MYT1L: variants seen among roughly 807,000 people sequenced by gnomAD.
MYT1L encodes the protein myelin transcription factor 1-like protein.
Under a neutral mutation model 126.7 loss-of-function variants are expected in MYT1L, and 12 were observed. The ratio of observed to expected loss-of-function variants is 0.09; its 90% CI spans 0.06 to 0.15. The LOEUF (loss-of-function observed/expected upper bound fraction) is 0.15, where lower values mean the gene tolerates loss of function less well. Among genes scored for constraint, MYT1L ranks in the 10% least tolerant of loss-of-function variants. MYT1L has a pLI of 1.00. For synonymous variants in MYT1L, 541 were observed against 604.2 expected (o/e 0.90, Z 1.53); for missense variants, 979 against 1,585.2 (o/e 0.62, Z 6.49).
At chr2:2,288,912 T>A (rs544735697) in intron 1 of MYT1L, among the ~76,000 whole-genome samples, 1 of 152,250 alleles carries the variant, frequency 6.6e-6, no homozygotes, top group Non-Finnish European at 1.5e-5. Context: ...GATAGCTTCT[T>A]AACTCAAAGT....
chr2:2,274,709 T>C (rs1336582434), intron 2 of MYT1L, among the ~76,000 whole-genome samples: 2 of 152,204 alleles, frequency 1.3e-5, no homozygotes, highest in South Asian at 2.1e-4. Context: ...TCTAATAACA[T>C]CACTTTGCAC....
intron 9 of MYT1L, among the ~76,000 whole-genome samples, chr2:1,928,315 C>T (rs1326992772): frequency 6.6e-6 from 1 of 152,220 alleles, no homozygotes; most frequent in Non-Finnish European, 1.5e-5. Context: ...TCTGACTCAC[C>T]TGAGTCTGGT....
intron 3 of MYT1L, among the ~76,000 whole-genome samples, chr2:2,091,733 T>C (rs1043750963): frequency 2.0e-5 from 3 of 152,228 alleles, no homozygotes; most frequent in African/African-American, 7.2e-5. Flanking sequence ...ACTTCATCAG[T>C]GATCTTACCT....
intron 3 of MYT1L, among the ~76,000 whole-genome samples, chr2:2,134,554 A>G (rs1334588697): frequency 6.6e-6 from 1 of 152,110 alleles, no homozygotes; most frequent in Non-Finnish European, 1.5e-5. Flanking sequence ...TGAGGTCATG[A>G]AGATGGAGCC....
chr2:1,921,466 T>C (rs1475877936), intron 10 of MYT1L, among the ~76,000 whole-genome samples: 1 of 152,188 alleles, frequency 6.6e-6, no homozygotes, highest in Admixed American at 6.5e-5. Context: ...TATGTAAAGA[T>C]AGCTAAATAC....
chr2:2,141,650 G>A (rs913349077), intron 3 of MYT1L, among the ~76,000 whole-genome samples: 23 of 152,184 alleles, frequency 1.5e-4, no homozygotes, highest in Non-Finnish European at 2.5e-4. Flanking sequence ...AAAAGTCTGC[G>A]AGGGCCAATA....
intron 14 of MYT1L, among the ~76,000 whole-genome samples, chr2:1,901,897 T>C (rs1183828315): frequency 6.6e-6 from 1 of 152,196 alleles, no homozygotes; most frequent in Non-Finnish European, 1.5e-5. Flanking sequence ...TGACACCAAG[T>C]GATCCGCCTG....
intron 18 of MYT1L, among the ~76,000 whole-genome samples, chr2:1,862,599 A>G (rs2044832543): frequency 6.6e-6 from 1 of 152,238 alleles, no homozygotes; most frequent in Non-Finnish European, 1.5e-5. Flanking sequence ...AGAAGATTCT[A>G]GGAAAGAAAA....
intron 14 of MYT1L, among the ~76,000 whole-genome samples, chr2:1,901,528 C>A (rs1288350368): frequency 2.6e-5 from 4 of 152,062 alleles, no homozygotes; most frequent in African/African-American, 9.7e-5. Context: ...TGTTTCTGAC[C>A]AATATATGAT....
chr2:1,868,286 C>G (rs1339211773), intron 18 of MYT1L, among the ~76,000 whole-genome samples: 1 of 152,200 alleles, frequency 6.6e-6, no homozygotes, highest in Admixed American at 6.5e-5. Context: ...TTAAGAAAAT[C>G]ATTTAAAAAT....
At chr2:2,109,792 ACACATG>A (rs1296174735) in intron 3 of MYT1L, among the ~76,000 whole-genome samples, 4 of 149,972 alleles carry the variant, frequency 2.7e-5, no homozygotes, top group South Asian at 2.1e-4. Context: ...TCTCTCACAC[ACACATG>A]CACATGCACA....
At chr2:2,053,720 A>G (rs1410273823) in intron 4 of MYT1L, among the ~76,000 whole-genome samples, 3 of 152,218 alleles carry the variant, frequency 2.0e-5, no homozygotes, top group Non-Finnish European at 4.4e-5. Context: ...ATGCTTATCA[A>G]TTCTTCTTTT....
At chr2:2,154,843 G>A (rs555727656) in intron 3 of MYT1L, among the ~76,000 whole-genome samples, 1 of 152,248 alleles carries the variant, frequency 6.6e-6, no homozygotes, top group African/African-American at 2.4e-5. Flanking sequence ...GAAAATAAAT[G>A]CGGCCGGGTG....
intron 14 of MYT1L, among the ~76,000 whole-genome samples, chr2:1,895,857 A>C (rs2049497899): frequency 6.6e-6 from 1 of 152,264 alleles, no homozygotes; most frequent in South Asian, 2.1e-4. Flanking sequence ...ATTAAACAAA[A>C]GAGCTTCTGC....
intron 3 of MYT1L, among the ~76,000 whole-genome samples, chr2:2,145,204 C>G (rs547972682): frequency 1.3e-5 from 2 of 152,182 alleles, no homozygotes; most frequent in African/African-American, 4.8e-5. Context: ...GGTGTGGCCT[C>G]ATTGTCTGTG....
chr2:1,946,278 T>C (rs996542729), intron 8 of MYT1L, among the ~76,000 whole-genome samples: 8 of 152,108 alleles, frequency 5.3e-5, no homozygotes, highest in African/African-American at 1.9e-4. Flanking sequence ...TTCTACATTA[T>C]GGTGAGTTGT....
intron 2 of MYT1L, among the ~76,000 whole-genome samples, chr2:2,180,420 T>A (rs1425828619): frequency 6.6e-6 from 1 of 150,720 alleles, no homozygotes; most frequent in Admixed American, 6.6e-5. Context: ...CAAGTGATCA[T>A]TTGAATCAGT....
chr2:2,007,529 T>C (rs541463183), intron 4 of MYT1L, among the ~76,000 whole-genome samples: 6 of 152,346 alleles, frequency 3.9e-5, no homozygotes, highest in Non-Finnish European at 8.8e-5. Flanking sequence ...ATAAGGTGAA[T>C]GAGGAGTTGC....
chr2:1,881,578 G>T (rs2047556164), intron 18 of MYT1L, among the ~76,000 whole-genome samples: 1 of 152,122 alleles, frequency 6.6e-6, no homozygotes, highest in Non-Finnish European at 1.5e-5. Context: ...ATTTGCAGAT[G>T]TGAAAATGTA....
Sources: gnomAD v4.1 joint callset for allele counts (sites outside exome capture counted in the v4.1 genomes callset) on GRCh38, gnomAD v4.1.1 for gene constraint, MANE v1.5 for transcripts, NCBI Gene and HGNC (gene_info 2026-07-23, HGNC 2026-07-21) for gene names.